The following CACNA2D4 variants were observed in gnomAD, a reference collection of about 807,000 sequenced individuals.
CACNA2D4 encodes the protein calcium voltage-gated channel auxiliary subunit alpha2delta 4, also known as voltage-dependent calcium channel subunit alpha-2/delta-4.
A neutral mutation model predicts 163.8 loss-of-function variants in CACNA2D4; 157 were observed. The observed-to-expected ratio is 0.96, with a 90% CI of 0.84 to 1.09. The LOEUF (loss-of-function observed/expected upper bound fraction) is 1.09. Ranked by LOEUF, CACNA2D4 falls within the 50% of genes least tolerant of loss-of-function variation. CACNA2D4 has a pLI of 0.00. For missense variants in CACNA2D4, 1,410 were observed against 1,479.9 expected, an observed-to-expected ratio of 0.95 and a Z score of 0.78; for synonymous variants, 598 against 586.9, an observed-to-expected ratio of 1.02 and a Z score of -0.27.
chr12:1,820,420 T>C lies in CACNA2D4; in HGVS notation c.2552-8697A>G, dbSNP rs1262614087. On this transcript the variant is annotated intron_variant, in intron 26 of 37. Transcript: ENST00000382722. This position sits in a 1 kb window ranked among gnomAD's most constrained non-coding sequence, Gnocchi z 6.0. ...GCGGCCGGCCGTGGTGCCTCTGGTG[T>C]GCGCCTGTGTGTGCTGCTGCCGCTG... 6.6e-6 allele frequency: 1 copy of C among 152,258 alleles called. No homozygotes were observed. The highest frequency in any genetic ancestry group is 2.4e-5 in the African/African-American group (1 of 41,460). 9.4% of individuals were successfully genotyped at this position (152,258 alleles called of 1,614,324 possible).
At chr12:1,794,960 C>T (rs1863067843) in intron 37 of CACNA2D4, 3 of 467,872 alleles carry the variant, frequency 6.4e-6, no homozygotes, top group Non-Finnish European at 1.1e-5. Flanking sequence ...AATTAGCATA[C>T]AAAGATACCT....
intron 1 of CACNA2D4, among the ~76,000 whole-genome samples, chr12:1,916,560 C>T (rs1866986759): frequency 1.2e-5 from 1 of 84,686 alleles, no homozygotes; most frequent in South Asian, 4.5e-4. Flanking sequence ...CACCCCCCAC[C>T]TCCGGGGCAG....
intron 26 of CACNA2D4, among the ~76,000 whole-genome samples, chr12:1,838,238 G>T (rs1421340496): frequency 2.6e-5 from 4 of 152,194 alleles, no homozygotes; most frequent in African/African-American, 9.7e-5. Context: ...AGCCGGTGGT[G>T]TTATACACGG....
intron 6 of CACNA2D4, among the ~76,000 whole-genome samples, chr12:1,896,512 A>G (rs1866403186): frequency 6.6e-6 from 1 of 152,116 alleles, no homozygotes; most frequent in South Asian, 2.1e-4. Flanking sequence ...CAATAGATAT[A>G]TGAAAAAATG....
intron 26 of CACNA2D4, chr12:1,830,962 C>T (rs778057455): frequency 6.2e-7 from 1 of 1,611,636 alleles, no homozygotes; most frequent in Admixed American, 1.7e-5. Flanking sequence ...GCCCTGTATG[C>T]TGTGGAGGCC....
At chr12:1,839,700 C>T (rs1864969381) in intron 26 of CACNA2D4, among the ~76,000 whole-genome samples, 1 of 152,244 alleles carries the variant, frequency 6.6e-6, no homozygotes, top group Non-Finnish European at 1.5e-5. Flanking sequence ...AACACACACA[C>T]TGAGCTCATG....
At chr12:1,879,908 A>G in intron 13 of CACNA2D4, 27 bp from the exon 14 acceptor site, 1 of 1,553,776 alleles carries the variant, frequency 6.4e-7, no homozygotes, top group Non-Finnish European at 8.8e-7. Context: ...AACAGGGGTC[A>G]GAAGGTGCGG....
At chr12:1,861,410 A>G (rs1865521959) in intron 18 of CACNA2D4, among the ~76,000 whole-genome samples, 1 of 150,304 alleles carries the variant, frequency 6.7e-6, no homozygotes, top group Non-Finnish European at 1.5e-5. Context: ...AGCTGGCTGG[A>G]GTGTCAGAAC....
At chr12:1,896,641 ACAC>A (rs1866411015) in intron 6 of CACNA2D4, among the ~76,000 whole-genome samples, 13 of 149,942 alleles carry the variant, frequency 8.7e-5, no homozygotes, top group South Asian at 6.3e-4. Flanking sequence ...ACACACACAC[ACAC>A]ACACACACAC....
At chr12:1,842,101 C>T (rs1367227021) in intron 25 of CACNA2D4, among the ~76,000 whole-genome samples, 1 of 152,172 alleles carries the variant, frequency 6.6e-6, no homozygotes, top group Non-Finnish European at 1.5e-5. Context: ...CAGATGTGAG[C>T]ATGTGGAGAC....
intron 26 of CACNA2D4, among the ~76,000 whole-genome samples, 198 bp downstream of exon 26, chr12:1,840,541 C>T (rs2154447653): frequency 6.6e-6 from 1 of 152,334 alleles, no homozygotes; most frequent in African/African-American, 2.4e-5. Context: ...TTGCTCACTT[C>T]GTGAATACTT....
At chr12:1,898,702 T>C (rs1371843570) in intron 6 of CACNA2D4, among the ~76,000 whole-genome samples, 1 of 152,226 alleles carries the variant, frequency 6.6e-6, no homozygotes, top group African/African-American at 2.4e-5. Context: ...TGTGTGTGTA[T>C]GTGTACATAT....
At chr12:1,816,998 A>C (rs1378999297) in intron 26 of CACNA2D4, among the ~76,000 whole-genome samples, 1 of 152,244 alleles carries the variant, frequency 6.6e-6, no homozygotes, top group Non-Finnish European at 1.5e-5. Flanking sequence ...CCCAGGAGTC[A>C]GAAGCTCCAG....
chr12:1,828,116 A>G lies in CACNA2D4; in HGVS notation c.2551+12623T>C, dbSNP rs1293198711. On this transcript the variant is annotated intron_variant, in intron 26 of 37. Transcript: ENST00000382722. The surrounding 1 kb of genome is among the most constrained non-coding windows in gnomAD (Gnocchi z 4.2). ...CACCCAGGGGCTCCTCTCTCCCCAG[A>G]GCGACAGGGCCCGGAGAGCCGTGGG... 7.3e-6 allele frequency: 11 copies of G among 1,504,128 alleles called. No homozygotes were observed. The allele number at this position is 1,504,128 out of a possible 1,614,324, so 93.2% of individuals were successfully genotyped here.
chr12:1,797,333 G>A (rs990751117), intron 35 of CACNA2D4, 85 bp downstream of exon 35: 5 of 988,160 alleles, frequency 5.1e-6, no homozygotes, highest in Admixed American at 2.0e-5. Flanking sequence ...CGTTTCCCGG[G>A]GGTTCCGGGG....
intron 2 of CACNA2D4, among the ~76,000 whole-genome samples, chr12:1,913,585 G>T (rs1007174884): frequency 1.3e-5 from 2 of 152,224 alleles, no homozygotes; most frequent in Non-Finnish European, 2.9e-5. Flanking sequence ...GAGGCATCTT[G>T]CTATGAAAGT....
In CACNA2D4 at chr12:1,828,030, C is replaced by T. The variant is rs759927019; in HGVS notation, c.2551+12709G>A. On this transcript the variant is annotated intron_variant, in intron 26 of 37. Transcript: ENST00000382722. The surrounding 1 kb of genome is among the most constrained non-coding windows in gnomAD (Gnocchi z 4.2). ...CCTCTCCCTAACCCCTGGGCTGGAA[C>T]GGGGCTCCCGCGCCTGCCTGTGCTC... 4.7e-4 allele frequency: 423 copies of T among 902,040 alleles called. No homozygotes were observed. Among genetic ancestry groups the T allele is most frequent in the Non-Finnish European group, 5.8e-4 (366 of 636,518 alleles). 55.9% of individuals were successfully genotyped at this position (902,040 alleles called of 1,614,324 possible). A position where few individuals can be genotyped will look rare whatever the true frequency, so the allele number is the denominator to read the frequency against.
chr12:1,873,237 C>T (rs1346820761), intron 18 of CACNA2D4, among the ~76,000 whole-genome samples: 3 of 152,164 alleles, frequency 2.0e-5, no homozygotes, highest in Admixed American at 6.5e-5. Flanking sequence ...CCATTATGGT[C>T]ATGATCGTCG....
At chr12:1,812,807 C>T (rs972070513) in intron 26 of CACNA2D4, among the ~76,000 whole-genome samples, 10 of 152,244 alleles carry the variant, frequency 6.6e-5, no homozygotes, top group East Asian at 1.9e-4. Flanking sequence ...CGGGAAGGAG[C>T]GGCGGGCACA....
Sources: allele counts gnomAD v4.1 joint callset (sites outside exome capture counted in the v4.1 genomes callset), GRCh38; gene constraint gnomAD v4.1.1; non-coding constraint Gnocchi (gnomAD v3.1); transcripts MANE v1.5; gene names NCBI Gene and HGNC (gene_info 2026-07-23, HGNC 2026-07-21).